Variants in LHFPL2 observed in about 807,000 individuals in gnomAD.
LHFPL2 encodes the protein LHFPL tetraspan subfamily member 2.
In LHFPL2, 7 loss-of-function variants were observed where a neutral mutation model predicts 17.5. The ratio of observed to expected loss-of-function variants is 0.40; its 90% CI spans 0.23 to 0.75. The LOEUF is 0.75. Among genes scored for constraint, LHFPL2 ranks in the 30% least tolerant of loss-of-function variants. LHFPL2 has a pLI of 0.37. For missense variants in LHFPL2, 241 were observed against 294.8 expected (o/e 0.82, Z 1.34); for synonymous variants, 134 against 116.2 (o/e 1.15, Z -0.99).
chr5:78,569,399 T>C (rs1277547732), intron 2 of LHFPL2, among the ~76,000 whole-genome samples: 1 of 152,188 alleles, frequency 6.6e-6, no homozygotes, highest in Non-Finnish European at 1.5e-5. Context: ...AAGGGGAGTC[T>C]GTGGCCACAT....
intron 2 of LHFPL2, among the ~76,000 whole-genome samples, chr5:78,570,944 A>G (rs1756984461): frequency 6.6e-6 from 1 of 152,146 alleles, no homozygotes. Flanking sequence ...GCTTTAAGTA[A>G]TAACAGACCA....
At chr5:78,574,796 C>T (rs1321338616) in intron 2 of LHFPL2, among the ~76,000 whole-genome samples, 4 of 152,208 alleles carry the variant, frequency 2.6e-5, no homozygotes, top group Non-Finnish European at 5.9e-5. Context: ...TGTTTTGGTT[C>T]CTGAGCTTTC....
intron 2 of LHFPL2, among the ~76,000 whole-genome samples, chr5:78,588,295 C>T (rs1424392244): frequency 1.3e-5 from 2 of 152,160 alleles, no homozygotes; most frequent in South Asian, 2.1e-4. Flanking sequence ...CTCAGCCTCC[C>T]GAGTGATTAC....
At chr5:78,491,641 G>C (rs976697358) in intron 4 of LHFPL2, among the ~76,000 whole-genome samples, 2 of 152,196 alleles carry the variant, frequency 1.3e-5, no homozygotes, top group African/African-American at 2.4e-5. Context: ...TCTGACTTTA[G>C]AGTTTGAATC....
chr5:78,556,156 T>A (rs1015432941), intron 3 of LHFPL2, among the ~76,000 whole-genome samples: 1 of 152,208 alleles, frequency 6.6e-6, no homozygotes, highest in Non-Finnish European at 1.5e-5. Flanking sequence ...TTCTCTTTGA[T>A]ACTTCCACAC....
At chr5:78,567,175 C>A (rs900071597) in intron 2 of LHFPL2, among the ~76,000 whole-genome samples, 3 of 152,134 alleles carry the variant, frequency 2.0e-5, no homozygotes, top group Non-Finnish European at 4.4e-5. Flanking sequence ...CAGTAAAAAG[C>A]ATTTTCTAGA....
chr5:78,512,906 G>A (rs920369486), intron 3 of LHFPL2, among the ~76,000 whole-genome samples: 11 of 151,428 alleles, frequency 7.3e-5, no homozygotes, highest in African/African-American at 2.7e-4. Flanking sequence ...AAGCACACAC[G>A]ACCATGCCTG....
intron 4 of LHFPL2, among the ~76,000 whole-genome samples, chr5:78,493,027 A>G (rs1006408278): frequency 2.0e-5 from 3 of 152,234 alleles, no homozygotes; most frequent in Non-Finnish European, 2.9e-5. Context: ...TCTGCCCTCT[A>G]TGATCCCTCA....
Position 78,521,315 on chromosome 5 carries a change from T to C in LHFPL2, c.-185-10917A>G, listed in dbSNP as rs1428514265. On this transcript the variant is annotated intron_variant, in intron 3 of 4. Coordinates refer to ENST00000380345, the MANE Select transcript of LHFPL2 (RefSeq NM_005779.3). ...GTTATAAATGGCCCTAGAAGGCAGA[T>C]TTACATCTATCCAGGGGCAATTTCT... Among the ~76,000 whole-genome samples, 6 of 152,368 alleles carry C rather than the reference T, an allele frequency of 3.9e-5. No homozygotes were observed. In the South Asian group the frequency reaches 1.0e-3, roughly 26 times the overall value.
intron 2 of LHFPL2, among the ~76,000 whole-genome samples, chr5:78,602,011 C>T (rs1349057887): frequency 6.6e-6 from 1 of 152,052 alleles, no homozygotes. Context: ...GGAAAAAATA[C>T]GCAGACACAA....
intron 3 of LHFPL2, among the ~76,000 whole-genome samples, chr5:78,526,750 T>C (rs565289694): frequency 2.0e-5 from 3 of 152,328 alleles, no homozygotes; most frequent in East Asian, 3.9e-4. Flanking sequence ...TATTATGTTA[T>C]TGTCAATTGA....
At chr5:78,644,191 CT>C in intron 1 of LHFPL2, 1 of 579,782 alleles carries the variant, frequency 1.7e-6, no homozygotes. Context: ...ATTTCAATTT[CT>C]TTAAAAGAAG....
intron 2 of LHFPL2, among the ~76,000 whole-genome samples, chr5:78,579,395 GGTTA>G (rs1288940682): frequency 2.0e-5 from 3 of 151,954 alleles, no homozygotes; most frequent in Non-Finnish European, 2.9e-5. Context: ...ACAATGTGCA[GGTTA>G]GTTACATATG....
At chr5:78,524,787 A>G (rs939143234) in intron 3 of LHFPL2, among the ~76,000 whole-genome samples, 1 of 151,984 alleles carries the variant, frequency 6.6e-6, no homozygotes, top group Non-Finnish European at 1.5e-5. Context: ...TCAGAATCTC[A>G]AAAGTTAGGA....
rs151141306 is a variant in LHFPL2 at position 78,548,284 on chromosome 5, G to A, written c.-186+16529C>T. ...CGTAAAGAGCTCCACCCGGCCTTGGGGCATGGAGAAGGTAGTGGATGTTGT... is the reference window on the plus strand; with the variant it reads ...CGTAAAGAGCTCCACCCGGCCTTGGAGCATGGAGAAGGTAGTGGATGTTGT... On this transcript the variant is annotated intron_variant, in intron 3 of 4. Transcript: ENST00000380345. Among the ~76,000 whole-genome samples, 327 of 152,356 alleles carry A rather than the reference G, an allele frequency of 2.1e-3. 2 individuals carry two copies. The highest frequency in any genetic ancestry group is 7.3e-3 in the African/African-American group (303 of 41,590).
chr5:78,541,518 C>G (rs548377214), intron 3 of LHFPL2, among the ~76,000 whole-genome samples: 1 of 152,306 alleles, frequency 6.6e-6, no homozygotes, highest in Non-Finnish European at 1.5e-5. Flanking sequence ...AACGCAAAGT[C>G]AGTCCCCGGC....
At chr5:78,560,337 G>A (rs1025006075) in intron 3 of LHFPL2, among the ~76,000 whole-genome samples, 12 of 152,202 alleles carry the variant, frequency 7.9e-5, no homozygotes, top group African/African-American at 2.9e-4. Context: ...CATCTAGCCA[G>A]CAATCATGCC....
intron 3 of LHFPL2, among the ~76,000 whole-genome samples, chr5:78,546,338 C>T (rs1756273249): frequency 6.6e-6 from 1 of 152,222 alleles, no homozygotes; most frequent in Admixed American, 6.5e-5. Flanking sequence ...CTGAGGCACT[C>T]CACTCACTAA....
intron 1 of LHFPL2, among the ~76,000 whole-genome samples, chr5:78,633,742 T>G (rs917398294): frequency 6.6e-6 from 1 of 152,172 alleles, no homozygotes; most frequent in African/African-American, 2.4e-5. Flanking sequence ...ACCTTCAGGG[T>G]AGGGAGGTGG....
Sources: allele counts gnomAD v4.1 joint callset (sites outside exome capture counted in the v4.1 genomes callset), GRCh38; gene constraint gnomAD v4.1.1; transcripts MANE v1.5; gene names NCBI Gene and HGNC (gene_info 2026-07-23, HGNC 2026-07-21).